The following INPP4B variants were observed in gnomAD, a reference collection of about 807,000 sequenced individuals.
The protein encoded by INPP4B is inositol polyphosphate-4-phosphatase type II B.
A neutral mutation model predicts 122.5 loss-of-function variants in INPP4B; 55 were observed. The observed-to-expected ratio is 0.45, with a 90% CI of 0.36 to 0.56. The LOEUF is 0.56. Among genes scored for constraint, INPP4B ranks in the 20% least tolerant of loss-of-function variants. The probability of loss-of-function intolerance (pLI) is 0.00; values close to 1 mark genes in which losing one functional copy is unlikely to be tolerated. For missense variants in INPP4B, 1,000 were observed against 1,097.7 expected (o/e 0.91, Z 1.26); for synonymous variants, 403 against 388.7 (o/e 1.04, Z -0.43).
At chr4:142,379,009 A>T (rs1793056548) in intron 7 of INPP4B, among the ~76,000 whole-genome samples, 1 of 152,134 alleles carries the variant, frequency 6.6e-6, no homozygotes, top group African/African-American at 2.4e-5. Context: ...AGCTCTTGTT[A>T]TTCTTAAATC....
At chr4:142,520,611 A>G (rs1454779235) in intron 2 of INPP4B, among the ~76,000 whole-genome samples, 1 of 151,986 alleles carries the variant, frequency 6.6e-6, no homozygotes, top group African/African-American at 2.4e-5. Context: ...GCATTCAAAA[A>G]TATTTAAATG....
intron 5 of INPP4B, among the ~76,000 whole-genome samples, chr4:142,428,433 T>A (rs1374696060): frequency 1.3e-5 from 2 of 149,026 alleles, no homozygotes; most frequent in Non-Finnish European, 3.0e-5. Context: ...TTCAGAACCA[T>A]GACAGGAAAA....
At chr4:142,339,977 G>C (rs1023697999) in intron 7 of INPP4B, among the ~76,000 whole-genome samples, 1 of 152,060 alleles carries the variant, frequency 6.6e-6, no homozygotes, top group Non-Finnish European at 1.5e-5. Context: ...ATACCTCAGG[G>C]GGCTACAAAG....
In INPP4B at chr4:142,051,571, A is replaced by T. The variant is rs140708161; in HGVS notation, c.2643-22657T>A. Among the ~76,000 whole-genome samples, 1,351 of 152,166 alleles carry T rather than the reference A, an allele frequency of 8.9e-3. 9 individuals are homozygous for T. Among genetic ancestry groups the T allele is most frequent in the Non-Finnish European group, 0.016 (1,058 of 67,952 alleles). ...CTGTAAATACATAAAAAAGTCTTAC[A>T]TATAATGTATGTTGTGATATTCGAA... On this transcript the variant is annotated intron_variant, in intron 25 of 25. Coordinates refer to ENST00000262992, the MANE Select transcript of INPP4B (RefSeq NM_001101669.3).
intron 11 of INPP4B, among the ~76,000 whole-genome samples, chr4:142,254,000 A>G (rs530120598): frequency 1.2e-4 from 18 of 151,682 alleles, no homozygotes; most frequent in South Asian, 4.2e-4. Flanking sequence ...GCTCGCAGCT[A>G]GAGATCTGAG....
intron 2 of INPP4B, among the ~76,000 whole-genome samples, chr4:142,551,255 G>A (rs1173204053): frequency 6.6e-6 from 1 of 152,130 alleles, no homozygotes; most frequent in Non-Finnish European, 1.5e-5. Flanking sequence ...CTCCATTTTT[G>A]GTTACATGGC....
chr4:142,162,441 C>T (rs1257445694), intron 16 of INPP4B, among the ~76,000 whole-genome samples: 3 of 151,772 alleles, frequency 2.0e-5, no homozygotes, highest in African/African-American at 7.3e-5. Flanking sequence ...ATCAGTGTGA[C>T]TTTAAATATT....
intron 18 of INPP4B, among the ~76,000 whole-genome samples, chr4:142,126,174 A>G (rs1185683574): frequency 6.6e-6 from 1 of 152,162 alleles, no homozygotes; most frequent in African/African-American, 2.4e-5. Flanking sequence ...TTCCATTAAT[A>G]TATAAATAAA....
rs752387525 is a variant in INPP4B at position 142,758,660 on chromosome 4, T to C, written c.-253-32759A>G. ...ATGACAAAGAAAGCAACCTTGAAATTCACTTGTTAAGGCCGGGCACAATGT... is the reference window on the plus strand; with the variant it reads ...ATGACAAAGAAAGCAACCTTGAAATCCACTTGTTAAGGCCGGGCACAATGT... On this transcript the variant is annotated intron_variant, in intron 1 of 25. Coordinates refer to ENST00000262992, the MANE Select transcript of INPP4B (RefSeq NM_001101669.3). Among the ~76,000 whole-genome samples the C allele has an allele frequency of 6.6e-5, 10 of 152,160 alleles. No individual in the cohort carries two copies. In the Middle Eastern group the frequency reaches 0.014, roughly 207 times the overall value.
chr4:142,410,306 A>C (rs1008016193), intron 5 of INPP4B, among the ~76,000 whole-genome samples: 1 of 152,226 alleles, frequency 6.6e-6, no homozygotes, highest in South Asian at 2.1e-4. Context: ...CCACTGAGGC[A>C]CTGTGAATTG....
At chr4:142,173,547 A>G in intron 16 of INPP4B, 85 bp downstream of exon 16, 1 of 1,114,114 alleles carries the variant, frequency 9.0e-7, no homozygotes, top group Non-Finnish European at 1.3e-6. Flanking sequence ...TCCAGATGCT[A>G]TGAATGGCGA....
chr4:142,184,056 A>G (rs937806024), intron 15 of INPP4B, among the ~76,000 whole-genome samples: 3 of 152,322 alleles, frequency 2.0e-5, no homozygotes, highest in Non-Finnish European at 4.4e-5. Flanking sequence ...GGGACAGTTT[A>G]GCAAACACAT....
At chr4:142,756,488 C>T (rs1049978678) in intron 1 of INPP4B, among the ~76,000 whole-genome samples, 2 of 151,994 alleles carry the variant, frequency 1.3e-5, no homozygotes, top group Admixed American at 6.6e-5. Context: ...TTGATAACAG[C>T]TGTAAGATGC....
At chr4:142,156,711 T>G (rs936217659) in intron 17 of INPP4B, among the ~76,000 whole-genome samples, 10 of 152,110 alleles carry the variant, frequency 6.6e-5, no homozygotes, top group African/African-American at 2.4e-4. Context: ...ATGCCATCAA[T>G]TTTGTCAACA....
At chr4:142,346,654 T>C (rs1427978136) in intron 7 of INPP4B, among the ~76,000 whole-genome samples, 2 of 151,986 alleles carry the variant, frequency 1.3e-5, no homozygotes, top group Non-Finnish European at 2.9e-5. Flanking sequence ...CTTAAAAAGA[T>C]AAATTTTCCT....
intron 7 of INPP4B, among the ~76,000 whole-genome samples, chr4:142,377,781 T>C (rs1342907502): frequency 1.3e-5 from 2 of 152,004 alleles, no homozygotes; most frequent in African/African-American, 4.8e-5. Context: ...CTAAAATAAA[T>C]ACAGAAAAAA....
intron 17 of INPP4B, among the ~76,000 whole-genome samples, chr4:142,155,114 CA>C (rs900600474): frequency 6.6e-6 from 1 of 151,794 alleles, no homozygotes; most frequent in Non-Finnish European, 1.5e-5. Context: ...ACATAATACT[CA>C]TTTAGGTAAC....
At chr4:142,088,697 G>A (rs1051046524) in intron 23 of INPP4B, among the ~76,000 whole-genome samples, 189 of 152,222 alleles carry the variant, frequency 1.2e-3, no homozygotes, top group African/African-American at 4.2e-3. Context: ...ATAATAAGAT[G>A]ATTTTAAGAG....
At chr4:142,677,154 CAAA>C (rs1465948921) in intron 2 of INPP4B, among the ~76,000 whole-genome samples, 3 of 151,920 alleles carry the variant, frequency 2.0e-5, no homozygotes, top group Non-Finnish European at 4.4e-5. Context: ...AAGAAAAAAA[CAAA>C]CAACCCCATC....
Sources: allele counts gnomAD v4.1 joint callset (sites outside exome capture counted in the v4.1 genomes callset), GRCh38; gene constraint gnomAD v4.1.1; transcripts MANE v1.5; gene names NCBI Gene and HGNC (gene_info 2026-07-23, HGNC 2026-07-21).